Variants in SPIDR observed in about 807,000 individuals in gnomAD.
SPIDR encodes DNA repair-scaffolding protein.
In SPIDR, 93 loss-of-function variants were observed where a neutral mutation model predicts 104.6. The ratio of observed to expected loss-of-function variants is 0.89; its 90% CI spans 0.75 to 1.06. SPIDR has a LOEUF of 1.06. Among genes scored for constraint, SPIDR ranks in the 50% least tolerant of loss-of-function variants. SPIDR has a pLI of 0.00. For missense variants in SPIDR, 1,154 were observed against 1,111.2 expected (o/e 1.04, Z -0.55); for synonymous variants, 431 against 416.9 (o/e 1.03, Z -0.41).
At chr8:47,412,820 T>C (rs58118307) in intron 7 of SPIDR, among the ~76,000 whole-genome samples, 6,130 of 152,282 alleles carry the variant, frequency 0.04, 365 homozygotes, top group African/African-American at 0.13. Context: ...TATAATCTAC[T>C]TCCCTCCATC....
chr8:47,336,507 G>A (rs1266137724), intron 5 of SPIDR, among the ~76,000 whole-genome samples: 1 of 152,160 alleles, frequency 6.6e-6, no homozygotes, highest in Non-Finnish European at 1.5e-5. Context: ...GTAACAATGT[G>A]TAACAAAACA....
At chr8:47,338,705 A>G (rs2050196172) in intron 5 of SPIDR, among the ~76,000 whole-genome samples, 1 of 152,218 alleles carries the variant, frequency 6.6e-6, no homozygotes, top group Admixed American at 6.5e-5. Context: ...CTAAAACTTT[A>G]TTGAAAAATC....
intron 5 of SPIDR, among the ~76,000 whole-genome samples, chr8:47,346,536 G>A (rs1587426508): frequency 6.6e-6 from 1 of 152,162 alleles, no homozygotes; most frequent in African/African-American, 2.4e-5. Flanking sequence ...AGTTTCAGAA[G>A]GAATGGTGCC....
intron 11 of SPIDR, among the ~76,000 whole-genome samples, chr8:47,674,332 A>G (rs1419879162): frequency 6.6e-6 from 1 of 152,186 alleles, no homozygotes. Context: ...AAAATTCTTA[A>G]GTTGTCATGT....
intron 10 of SPIDR, among the ~76,000 whole-genome samples, chr8:47,603,162 T>TG (rs1397719887): frequency 6.6e-6 from 1 of 151,730 alleles, no homozygotes; most frequent in Non-Finnish European, 1.5e-5. Flanking sequence ...GGCTTTTTTT[T>TG]TTTTAACAGA....
chr8:47,729,270 T>C, intron 18 of SPIDR, 142 bp from the exon 19 acceptor site: 1 of 1,427,924 alleles, frequency 7.0e-7, no homozygotes, highest in Non-Finnish European at 9.4e-7. Flanking sequence ...TTAAAACACA[T>C]CTTTGACCTA....
chr8:47,714,658 C>T (rs2082319882), intron 16 of SPIDR, among the ~76,000 whole-genome samples: 2 of 152,166 alleles, frequency 1.3e-5, no homozygotes. Context: ...AGGGTGTATG[C>T]GTTCTTGCAA....
chr8:47,300,361 G>A (rs1563528523), intron 5 of SPIDR, among the ~76,000 whole-genome samples: 1 of 151,966 alleles, frequency 6.6e-6, no homozygotes, highest in East Asian at 1.9e-4. Flanking sequence ...TATTAGTCTT[G>A]CTAGCAGTCT....
At chr8:47,413,225 A>G (rs1554673050) in intron 7 of SPIDR, among the ~76,000 whole-genome samples, 1 of 152,268 alleles carries the variant, frequency 6.6e-6, no homozygotes, top group Admixed American at 6.5e-5. Flanking sequence ...TACTGCGTTG[A>G]CATTCATGCA....
At chr8:47,382,200 G>C (rs1388295280) in intron 5 of SPIDR, among the ~76,000 whole-genome samples, 1 of 152,176 alleles carries the variant, frequency 6.6e-6, no homozygotes, top group Non-Finnish European at 1.5e-5. Flanking sequence ...TACACGTGTA[G>C]ACTGTCATAC....
Position 47,735,617 on chromosome 8 carries a change from CTG to C in SPIDR, c.*169_*170del. Reference sequence around the variant, plus strand: ...AAATGTTCAGATACAGTTTTGTGAACTGTAAATCAAAATACCTTTTTCTACAG... The same window carrying C: ...AAATGTTCAGATACAGTTTTGTGAACTAAATCAAAATACCTTTTTCTACAG... On this transcript the variant is annotated 3_prime_UTR_variant, in exon 20 of 20. Coordinates refer to ENST00000297423, the MANE Select transcript of SPIDR (RefSeq NM_001080394.4). 3.7e-6 allele frequency: 5 copies of C among 1,342,028 alleles called. No individual in the cohort carries two copies. In the South Asian group the frequency reaches 5.9e-5, roughly 16 times the overall value. 83.1% of individuals were successfully genotyped at this position (1,342,028 alleles called of 1,614,324 possible).
intron 8 of SPIDR, among the ~76,000 whole-genome samples, chr8:47,555,085 CTG>C (rs1248816591): frequency 2.6e-5 from 4 of 152,060 alleles, no homozygotes; most frequent in Non-Finnish European, 5.9e-5. Flanking sequence ...GTGGTATAAT[CTG>C]TTCCTTTCTA....
intron 10 of SPIDR, among the ~76,000 whole-genome samples, chr8:47,609,543 T>C (rs1369685001): frequency 1.3e-5 from 2 of 152,234 alleles, no homozygotes; most frequent in Admixed American, 6.5e-5. Context: ...GTTTGCACTG[T>C]TACGTCTTTG....
intron 6 of SPIDR, among the ~76,000 whole-genome samples, chr8:47,405,189 C>A: frequency 6.6e-6 from 1 of 152,024 alleles, no homozygotes. Context: ...GAACATCACA[C>A]ACCGGGGCCT....
rs140331874 is a variant in SPIDR, at chr8:47,706,671, A to C, written c.1977+4656A>C. 1.8e-3 allele frequency among the ~76,000 whole-genome samples: 275 copies of C among 152,256 alleles called. 1 individual carries two copies. The highest frequency in any genetic ancestry group is 6.1e-3 in the African/African-American group (254 of 41,546). On this transcript the variant is annotated intron_variant, in intron 14 of 19. Coordinates refer to ENST00000297423, the MANE Select transcript of SPIDR (RefSeq NM_001080394.4). Reference sequence around the variant, plus strand: ...CACTCACATGTTCTCTGTCATTATAATTATGTTGTCTTATGGTTGTTACAT... The same window carrying C: ...CACTCACATGTTCTCTGTCATTATACTTATGTTGTCTTATGGTTGTTACAT...
intron 19 of SPIDR, among the ~76,000 whole-genome samples, chr8:47,730,660 C>T (rs923803240): frequency 1.3e-5 from 2 of 152,178 alleles, no homozygotes; most frequent in South Asian, 2.1e-4. Context: ...AAGCTCACTA[C>T]AGCCTCGAAC....
chr8:47,318,057 A>G (rs536336789), intron 5 of SPIDR, among the ~76,000 whole-genome samples: 1 of 152,148 alleles, frequency 6.6e-6, no homozygotes, highest in Admixed American at 6.6e-5. Flanking sequence ...CCAAAGGAAC[A>G]CAGCTCCTCA....
chr8:47,362,177 G>T (rs2056134176), intron 5 of SPIDR, among the ~76,000 whole-genome samples: 1 of 152,258 alleles, frequency 6.6e-6, no homozygotes, highest in South Asian at 2.1e-4. Context: ...GTGGAGGCCA[G>T]CTGTGCTGTC....
chr8:47,575,304 T>G (rs888325015), intron 8 of SPIDR, among the ~76,000 whole-genome samples: 5 of 152,170 alleles, frequency 3.3e-5, no homozygotes, highest in Admixed American at 2.0e-4. Flanking sequence ...ATTTATACAT[T>G]TCTGATTTAA....
Sources: gnomAD v4.1 joint callset for allele counts (sites outside exome capture counted in the v4.1 genomes callset) on GRCh38, gnomAD v4.1.1 for gene constraint, MANE v1.5 for transcripts, NCBI Gene and HGNC (gene_info 2026-07-23, HGNC 2026-07-21) for gene names.